Variants in SLC6A16 observed in about 807,000 individuals in gnomAD.
SLC6A16 encodes the protein solute carrier family 6 member 16.
A neutral mutation model predicts 65.4 loss-of-function variants in SLC6A16; 54 were observed. The observed-to-expected ratio is 0.83, with a 90% CI of 0.66 to 1.04. SLC6A16 has a LOEUF of 1.04. Ranked by LOEUF, SLC6A16 falls within the 50% of genes least tolerant of loss-of-function variation. The probability of loss-of-function intolerance (pLI) is 0.00; values close to 1 mark genes in which losing one functional copy is unlikely to be tolerated. For synonymous variants in SLC6A16, 330 were observed against 346.5 expected (o/e 0.95, Z 0.53); for missense variants, 816 against 914.0 (o/e 0.89, Z 1.38).
chr19:49,319,413 A>G (rs867798514), intron 1 of SLC6A16, among the ~76,000 whole-genome samples: 3 of 148,356 alleles, frequency 2.0e-5, no homozygotes, highest in African/African-American at 7.3e-5. Flanking sequence ...GTGTGTGTGT[A>G]TATATATATA....
At chr19:49,340,172 C>A in the SLC6A16 span, 1 of 1,523,620 alleles carries the variant, frequency 6.6e-7, no homozygotes, top group Non-Finnish European at 9.0e-7. Flanking sequence ...CACCCCTGAC[C>A]TTTCTCGCCC....
intron 10 of SLC6A16, among the ~76,000 whole-genome samples, 198 bp from the exon 11 acceptor site, chr19:49,290,965 C>T (rs1317858197): frequency 6.6e-6 from 1 of 152,216 alleles, no homozygotes; most frequent in African/African-American, 2.4e-5. Flanking sequence ...CCAAACACCC[C>T]TCTCCTGCTC....
the SLC6A16 span, chr19:49,335,560 G>T: frequency 6.2e-7 from 1 of 1,613,992 alleles, no homozygotes. This position sits in a 1 kb window ranked among gnomAD's most constrained non-coding sequence, Gnocchi z 4.6. Context: ...CAGGAGAGCT[G>T]CCTCAGCCTC....
intron 1 of SLC6A16, among the ~76,000 whole-genome samples, chr19:49,324,024 T>C (rs1033715619): frequency 6.8e-6 from 1 of 147,310 alleles, no homozygotes; most frequent in Admixed American, 6.7e-5. Flanking sequence ...AGAGAGACCC[T>C]GTCTCTTAAA....
the SLC6A16 span, chr19:49,340,194 AC>A: frequency 2.0e-6 from 3 of 1,529,216 alleles, no homozygotes. Context: ...GGTGGGCATC[AC>A]CCCCGTCTCG....
intron 1 of SLC6A16, among the ~76,000 whole-genome samples, chr19:49,322,832 T>C (rs1970736165): frequency 9.2e-6 from 1 of 108,878 alleles, no homozygotes; most frequent in Non-Finnish European, 1.8e-5. Flanking sequence ...TTTTTTTTTT[T>C]TTTTTTTTTT....
intron 1 of SLC6A16, among the ~76,000 whole-genome samples, chr19:49,320,095 C>A (rs1464500798): frequency 6.6e-6 from 1 of 151,990 alleles, no homozygotes; most frequent in African/African-American, 2.4e-5. Flanking sequence ...AAATTTATAA[C>A]TATCAATGGT....
chr19:49,328,054 G>A (rs1970815778), upstream of SLC6A16, among the ~76,000 whole-genome samples: 2 of 152,214 alleles, frequency 1.3e-5, no homozygotes, highest in South Asian at 4.2e-4. Flanking sequence ...GTCAAGGAGT[G>A]ACTTTCATTT....
rs1360039802 is a variant in SLC6A16 at position 49,290,703 on chromosome 19, G to C, written c.1843C>G (p.Pro615Ala). The C allele has an allele frequency of 1.2e-6, 2 of 1,613,634 alleles. No individual in the cohort carries two copies. Among genetic ancestry groups the C allele is most frequent in the Non-Finnish European group, 1.7e-6 (2 of 1,179,846 alleles). ...AGCAGCACAACTGGACACAGATGGG[G>C]CCACAGCCAACCAAAGATGGGAGAG... ...PISPIFGWLW[P>A]HLCPVVLLII... is the part of the protein sequence containing the mutation. Residue 615 changes from proline to alanine, a missense_variant, in exon 11 of 12, where the codon CCC becomes GCC. Coordinates refer to ENST00000335875, the MANE Select transcript of SLC6A16 (RefSeq NM_014037.3).
chr19:49,323,835 T>C (rs1970754719), intron 1 of SLC6A16, among the ~76,000 whole-genome samples: 1 of 152,132 alleles, frequency 6.6e-6, no homozygotes, highest in South Asian at 2.1e-4. Context: ...AGAATTACCA[T>C]ATGATCCAGC....
chr19:49,296,630 A>G (rs960605875), intron 7 of SLC6A16, among the ~76,000 whole-genome samples: 2 of 152,216 alleles, frequency 1.3e-5, no homozygotes, highest in African/African-American at 4.8e-5. Flanking sequence ...TACCTTATAC[A>G]GAAATTTATG....
chr19:49,317,581 C>A (rs1051390420), intron 1 of SLC6A16, among the ~76,000 whole-genome samples: 3 of 151,738 alleles, frequency 2.0e-5, no homozygotes, highest in Non-Finnish European at 2.9e-5. Flanking sequence ...CCGAGGCGGG[C>A]GGACCACGAG....
chr19:49,305,006 A>G (rs1411922981), intron 7 of SLC6A16, among the ~76,000 whole-genome samples: 1 of 152,242 alleles, frequency 6.6e-6, no homozygotes, highest in African/African-American at 2.4e-5. Flanking sequence ...TAGATTGAAT[A>G]AATACAGCCA....
rs376848313 is a variant in SLC6A16 at position 49,293,382 on chromosome 19, A to G, written c.1619T>C (p.Val540Ala). 9.3e-6 allele frequency: 15 copies of G among 1,613,946 alleles called. No homozygotes were observed. Among genetic ancestry groups the G allele is most frequent in the Non-Finnish European group, 1.3e-5 (15 of 1,180,010 alleles). Residue 540 changes from valine (V) to alanine (A), a missense_variant and splice_region_variant, in exon 10 of 12, where the codon GTG (valine) becomes GCG (alanine). By Grantham distance (64) the Val-to-Ala change is moderately conservative. Transcript: ENST00000335875. ...CACGAACATGAGCAAAAAGACTCCC[A>G]CTGGAGAAAACATGAGATCTGGATC... ...FFRKHTKLLIVGVFLLMFVCG... is the reference protein window; with the variant it reads ...FFRKHTKLLIAGVFLLMFVCG...
the SLC6A16 span, chr19:49,338,310 C>A: frequency 4.8e-6 from 4 of 826,906 alleles, no homozygotes; most frequent in Non-Finnish European, 5.4e-6. The surrounding 1 kb of genome is among the most constrained non-coding windows in gnomAD (Gnocchi z 5.0). Context: ...AGTCCCAAGA[C>A]CCTAGCGAGA....
chr19:49,293,824 T>G lies in SLC6A16; in HGVS notation c.1618+3A>C. ...GTTAGGAGTAGGGCCTAGGTCAGAG[T>G]ACCTATGAGCAGCTTTGTATGTTTC... On this transcript the variant is annotated splice_donor_region_variant and intron_variant, in intron 9 of 11. Coordinates refer to ENST00000335875, the MANE Select transcript of SLC6A16 (RefSeq NM_014037.3). 1 of 1,612,778 alleles carries G rather than the reference T, an allele frequency of 6.2e-7. No homozygotes were observed. The highest frequency in any genetic ancestry group is 8.5e-7 in the Non-Finnish European group (1 of 1,179,094).
chr19:49,338,702 G>C, the SLC6A16 span: 1 of 1,609,526 alleles, frequency 6.2e-7, no homozygotes, highest in Non-Finnish European at 8.5e-7. The surrounding 1 kb of genome is among the most constrained non-coding windows in gnomAD (Gnocchi z 5.0). Context: ...TCTCCCAGCT[G>C]CGCTGCTGCG....
chr19:49,337,888 G>A, the SLC6A16 span: 1 of 1,612,790 alleles, frequency 6.2e-7, no homozygotes, highest in Non-Finnish European at 8.5e-7. Flanking sequence ...GGGTGGGGCG[G>A]GGAAGATAAG....
chr19:49,337,883 G>A, the SLC6A16 span: 45 of 1,611,794 alleles, frequency 2.8e-5, no homozygotes, highest in South Asian at 4.7e-4. Context: ...GGGAGGGGTG[G>A]GGCGGGGAAG....
Sources: allele counts gnomAD v4.1 joint callset (sites outside exome capture counted in the v4.1 genomes callset), GRCh38; gene constraint gnomAD v4.1.1; non-coding constraint Gnocchi (gnomAD v3.1); transcripts MANE v1.5; gene names NCBI Gene and HGNC (gene_info 2026-07-23, HGNC 2026-07-21).